KRT19: variants seen among roughly 807,000 people sequenced by gnomAD.
KRT19 encodes the protein keratin 19.
KRT19 carries 21 observed loss-of-function variants against 34.6 expected under a neutral mutation model. The ratio of observed to expected loss-of-function variants is 0.61; its 90% CI spans 0.43 to 0.87. The LOEUF (loss-of-function observed/expected upper bound fraction) is 0.87. Among genes scored for constraint, KRT19 ranks in the 40% least tolerant of loss-of-function variants. The pLI is 0.00. For synonymous variants in KRT19, 240 were observed against 245.8 expected, an observed-to-expected ratio of 0.98 and a Z score of 0.22; for missense variants, 514 against 545.7, an observed-to-expected ratio of 0.94 and a Z score of 0.58.
At chr17:41,526,497 G>C (rs1905869589) in intron 1 of KRT19, among the ~76,000 whole-genome samples, 1 of 151,036 alleles carries the variant, frequency 6.6e-6, no homozygotes, top group Non-Finnish European at 1.5e-5. Flanking sequence ...CCCCAGGCTG[G>C]AGTGCAGTGG....
Position 41,528,188 on chromosome 17 carries a change from G to A in KRT19, c.60C>T (p.Gly20=), listed in dbSNP as rs761940713. The change falls in exon 1 of 6, where the codon GGC becomes GGT. Residue 20 remains glycine, a synonymous_variant. Coordinates refer to ENST00000361566, the MANE Select transcript of KRT19 (RefSeq NM_002276.5). ...SATSSFGGLG[G]GSVRFGPGVA... The stretch of plus-strand genomic sequence containing the variant: ...CCCCCGGCCCAAAACGCACGGAGCC[G>A]CCGCCCAGGCCTCCGAAGGACGACG... 80 of 1,587,792 alleles carry A rather than the reference G, an allele frequency of 5.0e-5. No individual in the cohort carries two copies. Among genetic ancestry groups the A allele is most frequent in the Non-Finnish European group, 6.4e-5 (75 of 1,174,216 alleles).
rs768276785 is a variant in KRT19 at position 41,524,492 on chromosome 17, C to T, written c.709G>A (p.Val237Met). The change falls in exon 4 of 6, where the codon GTG (valine) becomes ATG (methionine). Residue 237 changes from valine to methionine, a missense_variant. Val to Met is a conservative substitution (Grantham distance 21, BLOSUM62 1). Coordinates refer to ENST00000361566, the MANE Select transcript of KRT19 (RefSeq NM_002276.5). ...GQVGGQVSVE[V>M]DSAPGTDLAK... ...AGATCGGTGCCCGGAGCGGAATCCA[C>T]CTCCACACTGACCTGGCCTCCCACT... The T allele has an allele frequency of 6.2e-7, 1 of 1,614,168 alleles. No individual in the cohort carries two copies. The highest frequency in any genetic ancestry group is 1.7e-5 in the Admixed American group (1 of 60,022).
chr17:41,526,937 G>T (rs1203415677), intron 1 of KRT19, among the ~76,000 whole-genome samples: 1 of 152,248 alleles, frequency 6.6e-6, no homozygotes, highest in Non-Finnish European at 1.5e-5. Flanking sequence ...CATCTCTAGC[G>T]CTTCCTCCTG....
chr17:41,525,039 A>C (rs770983598), intron 2 of KRT19, 40 bp from the exon 3 acceptor site: 1 of 1,608,600 alleles, frequency 6.2e-7, no homozygotes, highest in South Asian at 1.1e-5. Flanking sequence ...GAGCTTCCTC[A>C]GCATCTCTGA....
chr17:41,526,157 G>A (rs1445925694), intron 1 of KRT19, among the ~76,000 whole-genome samples: 1 of 151,938 alleles, frequency 6.6e-6, no homozygotes, highest in Non-Finnish European at 1.5e-5. Flanking sequence ...TGTATTTTTA[G>A]TAGAGACGGG....
Position 41,523,840 on chromosome 17 carries a change from A to T in KRT19, c.1106T>A (p.Ile369Asn). The T allele has an allele frequency of 6.2e-7, 1 of 1,613,992 alleles. No homozygotes were observed. Among genetic ancestry groups the T allele is most frequent in the Non-Finnish European group, 8.5e-7 (1 of 1,180,018 alleles). The change falls in exon 6 of 6, where the codon ATC (isoleucine) becomes AAC (asparagine). Residue 369 changes from isoleucine to asparagine, a missense_variant. Ile to Asn is a moderately radical substitution (Grantham distance 149). Coordinates refer to ENST00000361566, the MANE Select transcript of KRT19 (RefSeq NM_002276.5). ...QNQEYQRLMD[I>N]KSRLEQEIAT... Reference sequence around the variant, plus strand: ...AATCTCCTGCTCCAGCCGCGACTTGATGTCCATGAGCCGCTGGTACTCCTG... The same window carrying T: ...AATCTCCTGCTCCAGCCGCGACTTGTTGTCCATGAGCCGCTGGTACTCCTG...
intron 1 of KRT19, among the ~76,000 whole-genome samples, chr17:41,526,562 C>CTTTTTTTTTTTTTT (rs60030898): frequency 1.4e-5 from 1 of 72,190 alleles, no homozygotes; most frequent in African/African-American, 5.9e-5. Context: ...AAGCTAATTC[C>CTTTTTTTTTTTTTT]TTTTTTTTTT....
chr17:41,524,180 T>C lies in KRT19; in HGVS notation c.911A>G (p.Gln304Arg), dbSNP rs749399187. 5.0e-6 allele frequency: 8 copies of C among 1,614,106 alleles called. No individual in the cohort carries two copies. The highest frequency in any genetic ancestry group is 2.2e-5 in the East Asian group (1 of 44,886). Reference protein sequence around the residue: ...SEVTDLRRTLQGLEIELQSQL... With the variant: ...SEVTDLRRTLRGLEIELQSQL... The stretch of plus-strand genomic sequence containing the variant: ...TGACTGCAGCTCAATCTCAAGACCC[T>C]GAAGGGTGCGCCGCAGGTCAGTAAC... The change falls in exon 5 of 6, where the codon CAG (glutamine) becomes CGG (arginine). Residue 304 changes from glutamine to arginine, a missense_variant. Physicochemically the swap from Gln to Arg is conservative, Grantham distance 43. Coordinates refer to ENST00000361566, the MANE Select transcript of KRT19 (RefSeq NM_002276.5).
intron 1 of KRT19, among the ~76,000 whole-genome samples, chr17:41,526,323 G>C (rs2144536340): frequency 6.6e-6 from 1 of 152,200 alleles, no homozygotes; most frequent in African/African-American, 2.4e-5. Flanking sequence ...ATATCAGAGG[G>C]GATTTCTCTT....
At chr17:41,524,315 G>T (rs771393329) in intron 4 of KRT19, 47 bp from the exon 5 acceptor site, 1 of 1,611,456 alleles carries the variant, frequency 6.2e-7, no homozygotes, top group Admixed American at 1.7e-5. Context: ...TCAGACCTTC[G>T]CGTAGGGAAC....
In KRT19 at chr17:41,527,828, C is replaced by A; in HGVS notation, c.420G>T (p.Lys140Asn). The change falls in exon 1 of 6, where the codon AAG (lysine) becomes AAT (asparagine). Residue 140 changes from lysine to asparagine, a missense_variant and splice_region_variant. Transcript: ENST00000361566. ...YYTTIQDLRD[K>N]ILGATIENSR... The stretch of plus-strand genomic sequence containing the variant: ...TTCCCGCGGCCGGGCCTCCGCCCAC[C>A]TTGTCCCGCAGGTCCTGGATGGTCG... 1 of 1,578,980 alleles carries A rather than the reference C, an allele frequency of 6.3e-7. No individual in the cohort carries two copies. The highest frequency in any genetic ancestry group is 8.6e-7 in the Non-Finnish European group (1 of 1,159,832).
chr17:41,523,633 T>G lies in KRT19; in HGVS notation c.*110A>C. 1.8e-6 allele frequency: 2 copies of G among 1,104,310 alleles called. No individual in the cohort carries two copies. Among genetic ancestry groups the G allele is most frequent in the Non-Finnish European group, 2.6e-6 (2 of 762,944 alleles). The allele number at this position is 1,104,310 out of a possible 1,614,324, so 68.4% of individuals were successfully genotyped here. On this transcript the variant is annotated 3_prime_UTR_variant, in exon 6 of 6. Coordinates refer to ENST00000361566, the MANE Select transcript of KRT19 (RefSeq NM_002276.5). ...CGTCCTTCCTCCCTTGGACCATAAATTTTTATTGGCAGGTCAGGAGAAGAG... is the reference window on the plus strand; with the variant it reads ...CGTCCTTCCTCCCTTGGACCATAAAGTTTTATTGGCAGGTCAGGAGAAGAG...
chr17:41,525,265 A>G lies in KRT19; in HGVS notation c.429T>C (p.Gly143=). The change falls in exon 2 of 6, where the codon GGT becomes GGC. Residue 143 remains glycine (G), a synonymous_variant. Coordinates refer to ENST00000361566, the MANE Select transcript of KRT19 (RefSeq NM_002276.5). ...CAATCCTGGAGTTCTCAATGGTGGC[A>G]CCAAGAATCTGGAAGGCAGAGGCAG... The part of the protein sequence containing the change: ...TIQDLRDKIL[G]ATIENSRIVL... 1 of 1,613,494 alleles carries G rather than the reference A, an allele frequency of 6.2e-7. No individual in the cohort carries two copies. The highest frequency in any genetic ancestry group is 8.5e-7 in the Non-Finnish European group (1 of 1,179,396).
chr17:41,524,460 C>A lies in KRT19; in HGVS notation c.741G>T (p.Lys247Asn), dbSNP rs766375266. 3 of 1,614,076 alleles carry A rather than the reference C, an allele frequency of 1.9e-6. No individual in the cohort carries two copies. Among genetic ancestry groups the A allele is most frequent in the African/African-American group, 2.7e-5 (2 of 74,926 alleles). Residue 247 changes from lysine to asparagine, a missense_variant, in exon 4 of 6, where the codon AAG (lysine) becomes AAT (asparagine). By Grantham distance (94) the Lys-to-Asn change is moderately conservative (BLOSUM62 0). Transcript: ENST00000361566. ...ATTGGCTTCGCATGTCACTCAGGAT[C>A]TTGGCGAGATCGGTGCCCGGAGCGG... ...VDSAPGTDLA[K>N]ILSDMRSQYE...
chr17:41,527,023 C>T (rs1053713330), intron 1 of KRT19, among the ~76,000 whole-genome samples: 2 of 152,204 alleles, frequency 1.3e-5, no homozygotes, highest in East Asian at 1.9e-4. Flanking sequence ...GGAGACCCAG[C>T]GTGTGCGGCT....
At chr17:41,526,164 C>T (rs1281637982) in intron 1 of KRT19, among the ~76,000 whole-genome samples, 2 of 151,984 alleles carry the variant, frequency 1.3e-5, no homozygotes, top group African/African-American at 2.4e-5. Context: ...TTAGTAGAGA[C>T]GGGGTTTCAC....
intron 1 of KRT19, among the ~76,000 whole-genome samples, chr17:41,526,350 T>C (rs1025313611): frequency 2.0e-5 from 3 of 152,162 alleles, no homozygotes; most frequent in Non-Finnish European, 4.4e-5. Flanking sequence ...GTGAGAATTG[T>C]GTCACCCATT....
Position 41,524,427 on chromosome 17 carries a change from G to T in KRT19, c.774C>A (p.Val258=). The T allele has an allele frequency of 3.1e-6, 5 of 1,614,194 alleles. No homozygotes were observed. Among genetic ancestry groups the T allele is most frequent in the Non-Finnish European group, 4.2e-6 (5 of 1,180,028 alleles). ...CATCCTTCCGGTTCTGCTCGGCCATGACCTCATATTGGCTTCGCATGTCAC... is the reference window on the plus strand; with the variant it reads ...CATCCTTCCGGTTCTGCTCGGCCATTACCTCATATTGGCTTCGCATGTCAC... ...ILSDMRSQYE[V]MAEQNRKDAE... The change falls in exon 4 of 6, where the codon GTC becomes GTA. Residue 258 remains valine (V), a synonymous_variant. Transcript: ENST00000361566.
intron 1 of KRT19, among the ~76,000 whole-genome samples, chr17:41,526,408 G>T (rs1411945022): frequency 6.6e-6 from 1 of 151,376 alleles, no homozygotes; most frequent in Non-Finnish European, 1.5e-5. Flanking sequence ...GTGAGAAAAA[G>T]AATGCGTAAG....
Sources: allele counts gnomAD v4.1 joint callset (sites outside exome capture counted in the v4.1 genomes callset), GRCh38; gene constraint gnomAD v4.1.1; transcripts MANE v1.5; gene names NCBI Gene and HGNC (gene_info 2026-07-23, HGNC 2026-07-21).